The following MCCD1 variants were observed in gnomAD, a reference collection of about 807,000 sequenced individuals.
MCCD1 encodes mitochondrial coiled-coil domain 1, also known as mitochondrial coiled-coil domain protein 1.
MCCD1 carries 5 observed loss-of-function variants against 5.6 expected under a neutral mutation model. That is an observed-to-expected ratio of 0.89 (90% CI 0.46 to 1.87). The LOEUF (loss-of-function observed/expected upper bound fraction) is 1.87, where lower values mean the gene tolerates loss of function less well. Ranked by LOEUF, MCCD1 falls within the 40% of genes most tolerant of loss-of-function variation. The pLI is 0.01. For missense variants in MCCD1, 178 were observed against 141.8 expected (o/e 1.26, Z -1.30); for synonymous variants, 70 against 57.3 (o/e 1.22, Z -1.00).
At chr6:31,529,250 AC>A (rs1314718047) in intron 1 of MCCD1, 65 bp downstream of exon 1, 73 of 1,534,188 alleles carry the variant, frequency 4.8e-5, no homozygotes, top group Non-Finnish European at 6.2e-5. Flanking sequence ...GGAAAAAAAA[AC>A]CCTCAATCCC....
Position 31,530,146 on chromosome 6 carries a change from G to A in MCCD1, c.*211G>A. The A allele has an allele frequency of 2.9e-6, 3 of 1,025,348 alleles. No homozygotes were observed. The highest frequency in any genetic ancestry group is 4.1e-6 in the Non-Finnish European group (3 of 732,086). The allele number at this position is 1,025,348 out of a possible 1,614,324, so 63.5% of individuals were successfully genotyped here. A position where few individuals can be genotyped will look rare whatever the true frequency, so the allele number is the denominator to read the frequency against. On this transcript the variant is annotated 3_prime_UTR_variant, in exon 2 of 2. Transcript: ENST00000376191. The surrounding 1 kb of genome is among the most constrained non-coding windows in gnomAD (Gnocchi z 4.5). Reference sequence around the variant, plus strand: ...GATCTCACAGCAGGCAGGGCACCCAGGCCTTATAGGAATTCACCCTGGACC... The same window carrying A: ...GATCTCACAGCAGGCAGGGCACCCAAGCCTTATAGGAATTCACCCTGGACC...
Position 31,530,086 on chromosome 6 carries a change from G to T in MCCD1, c.*151G>T, listed in dbSNP as rs1159200428. 18 of 1,376,220 alleles carry T rather than the reference G, an allele frequency of 1.3e-5. No individual in the cohort carries two copies. The highest frequency in any genetic ancestry group is 1.6e-5 in the Non-Finnish European group (17 of 1,044,268). 85.3% of individuals were successfully genotyped at this position (1,376,220 alleles called of 1,614,324 possible). A position where few individuals can be genotyped will look rare whatever the true frequency, so the allele number is the denominator to read the frequency against. ...CAGGCAATTGGCAGGCAGTGGGGGA[G>T]CCAGGGCTCTGCAGTCTTAGTCCCA... On this transcript the variant is annotated 3_prime_UTR_variant, in exon 2 of 2. Coordinates refer to ENST00000376191, the MANE Select transcript of MCCD1 (RefSeq NM_001011700.3). The surrounding 1 kb of genome is among the most constrained non-coding windows in gnomAD (Gnocchi z 4.5).
intron 1 of MCCD1, 76 bp downstream of exon 1, chr6:31,529,261 C>A: frequency 7.1e-7 from 1 of 1,415,524 alleles, no homozygotes; most frequent in Non-Finnish European, 9.7e-7. Context: ...CCCTCAATCC[C>A]ACCCTGCACC....
Position 31,529,048 on chromosome 6 carries a change from C to T in MCCD1, c.34C>T (p.His12Tyr), listed in dbSNP as rs1766821379. The change falls in exon 1 of 2, where the codon CAT becomes TAT. Residue 12 changes from histidine (H) to tyrosine (Y), a missense_variant. By Grantham distance (83) the His-to-Tyr change is moderately conservative. Transcript: ENST00000376191. ...VLPLPWLSRY[H>Y]FLRLLLPSWS... is the part of the protein sequence containing the mutation. ...CCCTCTGCCCTGGCTCTCTCGGTAC[C>T]ATTTCCTTCGCCTCCTTCTGCCCTC... 1.9e-6 allele frequency: 3 copies of T among 1,612,756 alleles called. No individual in the cohort carries two copies. Among genetic ancestry groups the T allele is most frequent in the African/African-American group, 2.7e-5 (2 of 74,998 alleles).
At position 31,529,943 on chromosome 6, in the gene MCCD1, C is replaced by T; in HGVS notation, c.*8C>T. On this transcript the variant is annotated 3_prime_UTR_variant, in exon 2 of 2. Coordinates refer to ENST00000376191, the MANE Select transcript of MCCD1 (RefSeq NM_001011700.3). ...CTTGGAGGAGGCGCCTAAGTTTCCCCCAGTGCCCACAGCACCCTCCGGCGC... is the reference window on the plus strand; with the variant it reads ...CTTGGAGGAGGCGCCTAAGTTTCCCTCAGTGCCCACAGCACCCTCCGGCGC... 1.3e-6 allele frequency: 2 copies of T among 1,498,536 alleles called. No individual in the cohort carries two copies. The highest frequency in any genetic ancestry group is 1.8e-6 in the Non-Finnish European group (2 of 1,116,248). 92.8% of individuals were successfully genotyped at this position (1,498,536 alleles called of 1,614,324 possible).
At chr6:31,529,281 C>A in intron 1 of MCCD1, 96 bp downstream of exon 1, 1 of 1,261,628 alleles carries the variant, frequency 7.9e-7, no homozygotes, top group Non-Finnish European at 1.1e-6. Context: ...CACCCCACAC[C>A]ATGCCTACCC....
chr6:31,529,065 T>C lies in MCCD1; in HGVS notation c.51T>C (p.Leu17=). Reference sequence around the variant, plus strand: ...CTCGGTACCATTTCCTTCGCCTCCTTCTGCCCTCCTGGTCCTTGGCACCCC... The same window carrying C: ...CTCGGTACCATTTCCTTCGCCTCCTCCTGCCCTCCTGGTCCTTGGCACCCC... ...WLSRYHFLRL[L]LPSWSLAPQG... Residue 17 remains leucine (L), a synonymous_variant, in exon 1 of 2, where the codon CTT becomes CTC. Transcript: ENST00000376191. 1.2e-6 allele frequency: 2 copies of C among 1,612,504 alleles called. No individual in the cohort carries two copies. The highest frequency in any genetic ancestry group is 8.5e-7 in the Non-Finnish European group (1 of 1,179,782).
At position 31,529,802 on chromosome 6, in the gene MCCD1, A is replaced by G. The variant is rs746053220; in HGVS notation, c.227A>G (p.Gln76Arg). ...ELARAEELLE[Q>R]QLELYQALLE... ...GCCCGAGCTGAAGAGTTGTTGGAGC[A>G]GCAGCTGGAGCTGTACCAGGCCCTC... Residue 76 changes from glutamine (Q) to arginine (R), a missense_variant, in exon 2 of 2, where the codon CAG becomes CGG. Gln to Arg is a conservative substitution (Grantham distance 43, BLOSUM62 1). Coordinates refer to ENST00000376191, the MANE Select transcript of MCCD1 (RefSeq NM_001011700.3). 6.3e-7 allele frequency: 1 copy of G among 1,582,746 alleles called. No homozygotes were observed. Among genetic ancestry groups the G allele is most frequent in the South Asian group, 1.1e-5 (1 of 88,530 alleles).
At chr6:31,529,238 T>G in intron 1 of MCCD1, 53 bp downstream of exon 1, 1 of 1,563,254 alleles carries the variant, frequency 6.4e-7, no homozygotes, top group East Asian at 2.3e-5. Context: ...CACTGGGGTG[T>G]GGGAAAAAAA....
At chr6:31,529,527 G>A (rs916460108) in intron 1 of MCCD1, among the ~76,000 whole-genome samples, 4 of 152,110 alleles carry the variant, frequency 2.6e-5, no homozygotes, top group African/African-American at 9.7e-5. Context: ...ACAGCCCCTG[G>A]GCCAGGGAAC....
At position 31,529,847 on chromosome 6, in the gene MCCD1, C is replaced by A; in HGVS notation, c.272C>A (p.Ala91Asp). Reference protein sequence around the residue: ...YQALLEGQEGAWEAQALVLKI... With the variant: ...YQALLEGQEGDWEAQALVLKI... ...GCCCTCCTTGAAGGGCAGGAGGGAG[C>A]CTGGGAGGCCCAAGCCCTGGTGCTC... Residue 91 changes from alanine to aspartate, a missense_variant, in exon 2 of 2, where the codon GCC (alanine) becomes GAC (aspartate). Transcript: ENST00000376191. 1 of 1,586,770 alleles carries A rather than the reference C, an allele frequency of 6.3e-7. No homozygotes were observed. The highest frequency in any genetic ancestry group is 8.6e-7 in the Non-Finnish European group (1 of 1,168,416).
Position 31,529,242 on chromosome 6 carries a change from A to G in MCCD1, c.171+57A>G, listed in dbSNP as rs188546036. The G allele has an allele frequency of 3.0e-3, 4,545 of 1,521,686 alleles. 28 individuals carry two copies. Among genetic ancestry groups the G allele is most frequent in the African/African-American group, 0.025 (1,747 of 70,180 alleles). 94.3% of individuals were successfully genotyped at this position (1,521,686 alleles called of 1,614,324 possible). A position where few individuals can be genotyped will look rare whatever the true frequency, so the allele number is the denominator to read the frequency against. On this transcript the variant is annotated intron_variant, in intron 1 of 1. Coordinates refer to ENST00000376191, the MANE Select transcript of MCCD1 (RefSeq NM_001011700.3). ...GTGAGAATTTACACTGGGGTGTGGGAAAAAAAAACCCTCAATCCCACCCTG... is the reference window on the plus strand; with the variant it reads ...GTGAGAATTTACACTGGGGTGTGGGGAAAAAAAACCCTCAATCCCACCCTG...
At position 31,529,792 on chromosome 6, in the gene MCCD1, T is replaced by G; in HGVS notation, c.217T>G (p.Leu73Val). 6.4e-7 allele frequency: 1 copy of G among 1,571,654 alleles called. No individual in the cohort carries two copies. Among genetic ancestry groups the G allele is most frequent in the African/African-American group, 1.4e-5 (1 of 73,344 alleles). The stretch of plus-strand genomic sequence containing the variant: ...AGCTGAGCTGGCCCGAGCTGAAGAG[T>G]TGTTGGAGCAGCAGCTGGAGCTGTA... ...RTAELARAEE[L>V]LEQQLELYQA... Residue 73 changes from leucine to valine, a missense_variant, in exon 2 of 2, where the codon TTG becomes GTG. Leu to Val is a conservative substitution (Grantham distance 32). Transcript: ENST00000376191.
rs747200701 is a variant in MCCD1 at position 31,529,191 on chromosome 6, T to G, written c.171+6T>G. On this transcript the variant is annotated splice_donor_region_variant and intron_variant, in intron 1 of 1. Coordinates refer to ENST00000376191, the MANE Select transcript of MCCD1 (RefSeq NM_001011700.3). The stretch of plus-strand genomic sequence containing the variant: ...AGATGACGTCCCCTCCCAGGGTAAG[T>G]GGCACCACAGGTAGGAACAGAGGGT... The G allele has an allele frequency of 6.2e-7, 1 of 1,611,536 alleles. No individual in the cohort carries two copies. Among genetic ancestry groups the G allele is most frequent in the Non-Finnish European group, 8.5e-7 (1 of 1,179,366 alleles).
Position 31,530,006 on chromosome 6 carries a change from CAT to C in MCCD1, c.*73_*74del. 7.0e-7 allele frequency: 1 copy of C among 1,429,838 alleles called. No homozygotes were observed. Among genetic ancestry groups the C allele is most frequent in the Non-Finnish European group, 9.2e-7 (1 of 1,087,074 alleles). The allele number at this position is 1,429,838 out of a possible 1,614,324, so 88.6% of individuals were successfully genotyped here. A position where few individuals can be genotyped will look rare whatever the true frequency, so the allele number is the denominator to read the frequency against. On this transcript the variant is annotated 3_prime_UTR_variant, in exon 2 of 2. Coordinates refer to ENST00000376191, the MANE Select transcript of MCCD1 (RefSeq NM_001011700.3). This position sits in a 1 kb window ranked among gnomAD's most constrained non-coding sequence, Gnocchi z 4.5. ...CACCACCCACCAGGAGCCTTGGGAT[CAT>C]AAACACCCCAGCGTCTTCCCAGGCC...
At chr6:31,529,710 C>A (rs1256458731) in intron 1 of MCCD1, 37 bp from the exon 2 acceptor site, 1 of 1,426,410 alleles carries the variant, frequency 7.0e-7, no homozygotes, top group Non-Finnish European at 9.2e-7. Context: ...CAGCCCCCTG[C>A]CCTGGCTGAT....
chr6:31,529,169 T>C lies in MCCD1; in HGVS notation c.155T>C (p.Met52Thr). Residue 52 changes from methionine (M) to threonine (T), a missense_variant, in exon 1 of 2, where the codon ATG becomes ACG. Physicochemically the swap from Met to Thr is moderately conservative, Grantham distance 81. Coordinates refer to ENST00000376191, the MANE Select transcript of MCCD1 (RefSeq NM_001011700.3). ...EQTSSRGNGK[M>T]TSPPRGPGTH... Reference sequence around the variant, plus strand: ...ACCAGCTCCAGAGGAAATGGGAAGATGACGTCCCCTCCCAGGGTAAGTGGC... The same window carrying C: ...ACCAGCTCCAGAGGAAATGGGAAGACGACGTCCCCTCCCAGGGTAAGTGGC... 1 of 1,612,312 alleles carries C rather than the reference T, an allele frequency of 6.2e-7. No homozygotes were observed. Among genetic ancestry groups the C allele is most frequent in the African/African-American group, 1.3e-5 (1 of 74,920 alleles).
Position 31,529,918 on chromosome 6 carries a change from C to A in MCCD1, c.343C>A (p.Leu115Ile). ...ACAGATGAGGAGGCACCAAGAGAGC[C>A]TTGGAGGAGGCGCCTAAGTTTCCCC... Reference protein sequence around the residue: ...KEQMRRHQESLGGGA With the variant: ...KEQMRRHQESIGGGA Residue 115 changes from leucine to isoleucine, a missense_variant, in exon 2 of 2, where the codon CTT becomes ATT. Physicochemically the swap from Leu to Ile is conservative, Grantham distance 5. Transcript: ENST00000376191. The A allele has an allele frequency of 6.5e-7, 1 of 1,530,044 alleles. No homozygotes were observed. Among genetic ancestry groups the A allele is most frequent in the Non-Finnish European group, 8.8e-7 (1 of 1,134,658 alleles). 94.8% of individuals were successfully genotyped at this position (1,530,044 alleles called of 1,614,324 possible). A position where few individuals can be genotyped will look rare whatever the true frequency, so the allele number is the denominator to read the frequency against.
chr6:31,529,804 C>T lies in MCCD1; in HGVS notation c.229C>T (p.Gln77Ter). The T allele has an allele frequency of 7.6e-6, 12 of 1,585,198 alleles. No homozygotes were observed. Among genetic ancestry groups the T allele is most frequent in the Non-Finnish European group, 1.0e-5 (12 of 1,164,286 alleles). ...CCGAGCTGAAGAGTTGTTGGAGCAGCAGCTGGAGCTGTACCAGGCCCTCCT... is the reference window on the plus strand; with the variant it reads ...CCGAGCTGAAGAGTTGTTGGAGCAGTAGCTGGAGCTGTACCAGGCCCTCCT... ...LARAEELLEQ[Q>*]LELYQALLEG... The change falls in exon 2 of 2, where the codon CAG becomes TAG. Residue 77 changes from glutamine (Q) to a stop codon, truncating the protein, a stop_gained. Transcript: ENST00000376191. LOFTEE classifies it low-confidence loss of function (END_TRUNC).
Sources: allele counts gnomAD v4.1 joint callset (sites outside exome capture counted in the v4.1 genomes callset), GRCh38; gene constraint gnomAD v4.1.1; non-coding constraint Gnocchi (gnomAD v3.1); transcripts MANE v1.5; gene names NCBI Gene and HGNC (gene_info 2026-07-23, HGNC 2026-07-21).